Variants in MYO16 observed in about 807,000 individuals in gnomAD.
MYO16 encodes the protein myosin XVI, also known as unconventional myosin-XVI.
Under a neutral mutation model 205.3 loss-of-function variants are expected in MYO16, and 94 were observed. The observed-to-expected ratio is 0.46, with a 90% CI of 0.39 to 0.54. The LOEUF (loss-of-function observed/expected upper bound fraction) is 0.54, where lower values mean the gene tolerates loss of function less well. Among genes scored for constraint, MYO16 ranks in the 20% least tolerant of loss-of-function variants. MYO16 has a pLI of 0.00. For synonymous variants in MYO16, 988 were observed against 954.0 expected, an observed-to-expected ratio of 1.04 and a Z score of -0.66; for missense variants, 2,315 against 2,387.5, an observed-to-expected ratio of 0.97 and a Z score of 0.63.
At chr13:109,130,320 A>G (rs1458888251) in intron 31 of MYO16, among the ~76,000 whole-genome samples, 1 of 152,204 alleles carries the variant, frequency 6.6e-6, no homozygotes, top group East Asian at 1.9e-4. Context: ...AAGCTTGTCA[A>G]AGGGCAAGTG....
At chr13:109,136,672 G>C (rs1247410470) in intron 31 of MYO16, among the ~76,000 whole-genome samples, 1 of 152,076 alleles carries the variant, frequency 6.6e-6, no homozygotes, top group Non-Finnish European at 1.5e-5. Flanking sequence ...ACTTTGTACT[G>C]TGGCTGAAGT....
At chr13:109,166,548 T>A (rs1878677153) in intron 33 of MYO16, 1 of 152,188 alleles carries the variant, frequency 6.6e-6, no homozygotes. Flanking sequence ...AAAGACTTGG[T>A]GAGAAATGTT....
intron 4 of MYO16, among the ~76,000 whole-genome samples, chr13:108,731,980 G>A (rs1170615017): frequency 3.9e-5 from 6 of 152,168 alleles, no homozygotes; most frequent in South Asian, 2.1e-4. Context: ...TATTCATACC[G>A]TGTTATAGCC....
At chr13:108,574,679 G>GTGTGTT in the MYO16 span, among the ~76,000 whole-genome samples, 1 of 130,168 alleles carries the variant, frequency 7.7e-6, no homozygotes, top group South Asian at 2.7e-4. Flanking sequence ...TTGTGTGTGT[G>GTGTGTT]TGTGTGTGTG....
At chr13:108,592,517 TA>T (rs1256683132), upstream of MYO16, among the ~76,000 whole-genome samples, 1 of 83,706 alleles carries the variant, frequency 1.2e-5, no homozygotes, top group Non-Finnish European at 2.3e-5. Context: ...GTGGGGGTTG[TA>T]TAGGGGATGG....
chr13:108,810,056 C>T (rs1248825127), intron 7 of MYO16, among the ~76,000 whole-genome samples: 1 of 152,174 alleles, frequency 6.6e-6, no homozygotes, highest in African/African-American at 2.4e-5. Flanking sequence ...TTGATTGGTA[C>T]AGACAGATAT....
chr13:108,662,161 A>AT (rs1555336473), intron 1 of MYO16, among the ~76,000 whole-genome samples: 1 of 152,210 alleles, frequency 6.6e-6, no homozygotes, highest in Non-Finnish European at 1.5e-5. Context: ...TCAGCCGTGG[A>AT]TAACAGTACC....
intron 12 of MYO16, among the ~76,000 whole-genome samples, chr13:108,880,233 T>C (rs1297206268): frequency 2.6e-5 from 4 of 152,232 alleles, no homozygotes; most frequent in Admixed American, 1.3e-4. Context: ...TGTAAATTTG[T>C]TTGAATTCTT....
chr13:108,983,564 A>G (rs1470891184), intron 20 of MYO16, among the ~76,000 whole-genome samples: 2 of 152,166 alleles, frequency 1.3e-5, no homozygotes, highest in Non-Finnish European at 2.9e-5. Context: ...TCAATAGCCT[A>G]TTTAAAAATA....
chr13:108,598,707 C>T (rs1052085262), intron 1 of MYO16, among the ~76,000 whole-genome samples: 1 of 152,126 alleles, frequency 6.6e-6, no homozygotes, highest in South Asian at 2.1e-4. Context: ...GATCTCCTCT[C>T]GCACCATTTT....
chr13:108,584,629 G>A, the MYO16 span, among the ~76,000 whole-genome samples: 5 of 152,078 alleles, frequency 3.3e-5, no homozygotes, highest in East Asian at 9.7e-4. Flanking sequence ...CCCTTCCCTT[G>A]CACCCCTGTC....
chr13:108,896,194 C>A (rs1880405270), intron 14 of MYO16, among the ~76,000 whole-genome samples: 2 of 151,918 alleles, frequency 1.3e-5, no homozygotes, highest in Non-Finnish European at 1.5e-5. Flanking sequence ...TAACTAGAAG[C>A]AAAATATTTT....
At chr13:108,538,726 A>G in the MYO16 span, among the ~76,000 whole-genome samples, 1 of 152,138 alleles carries the variant, frequency 6.6e-6, no homozygotes, top group South Asian at 2.1e-4. Flanking sequence ...TGCTCTTTTT[A>G]TTTATTTCTG....
chr13:108,516,337 C>A, the MYO16 span, among the ~76,000 whole-genome samples: 1 of 151,226 alleles, frequency 6.6e-6, no homozygotes, highest in Non-Finnish European at 1.5e-5. Flanking sequence ...CTTCGGCTCG[C>A]GCACGGTGCG....
At chr13:108,506,587 T>C in the MYO16 span, among the ~76,000 whole-genome samples, 2 of 152,154 alleles carry the variant, frequency 1.3e-5, no homozygotes, top group Admixed American at 6.5e-5. Context: ...TGTGTGTGTG[T>C]GCATAGTCCA....
Position 108,890,104 on chromosome 13 carries a change from A to ATTTTTTT in MYO16, c.1659+1642_1659+1648dup, listed in dbSNP as rs60627565. Reference sequence around the variant, plus strand: ...GTGTCTCTGCCTAGCTAATTTTTGTATTTTTTTTTTTTTTTTTTTTTGTGG... The same window carrying ATTTTTTT: ...GTGTCTCTGCCTAGCTAATTTTTGTATTTTTTTTTTTTTTTTTTTTTTTTTTTTGTGG... On this transcript the variant is annotated intron_variant, in intron 14 of 34. Transcript: ENST00000457511. Among the ~76,000 whole-genome samples the ATTTTTTT allele has an allele frequency of 2.1e-3, 197 of 94,894 alleles. 2 individuals carry two copies. The highest frequency in any genetic ancestry group is 2.9e-3 in the Non-Finnish European group (151 of 51,794). The allele number at this position is 94,894 out of a possible 152,430, so 62.3% of individuals were successfully genotyped here.
At chr13:109,014,785 A>G (rs968485384) in intron 22 of MYO16, among the ~76,000 whole-genome samples, 1 of 152,134 alleles carries the variant, frequency 6.6e-6, no homozygotes, top group African/African-American at 2.4e-5. Flanking sequence ...GGTGTATAAG[A>G]ATGCTTGTGA....
intron 3 of MYO16, among the ~76,000 whole-genome samples, chr13:108,725,032 T>C (rs890517400): frequency 6.6e-6 from 1 of 152,218 alleles, no homozygotes; most frequent in African/African-American, 2.4e-5. Context: ...TTGTTTAATT[T>C]ATGTTGCTGC....
At chr13:108,638,764 G>A (rs961152635) in intron 1 of MYO16, among the ~76,000 whole-genome samples, 2 of 152,028 alleles carry the variant, frequency 1.3e-5, no homozygotes, top group Admixed American at 6.6e-5. Flanking sequence ...AGGAAAAATT[G>A]AAAATGAATA....
Sources: allele counts gnomAD v4.1 joint callset (sites outside exome capture counted in the v4.1 genomes callset), GRCh38; gene constraint gnomAD v4.1.1; transcripts MANE v1.5; gene names NCBI Gene and HGNC (gene_info 2026-07-23, HGNC 2026-07-21).